The following RUNX1 variants were observed in gnomAD, a reference collection of about 807,000 sequenced individuals.
RUNX1 encodes the protein RUNX family transcription factor 1.
RUNX1 carries 19 observed loss-of-function variants against 42.8 expected under a neutral mutation model. The ratio of observed to expected loss-of-function variants is 0.44; its 90% CI spans 0.31 to 0.65. The LOEUF is 0.65. Ranked by LOEUF, RUNX1 falls within the 30% of genes least tolerant of loss-of-function variation. RUNX1 has a pLI of 0.07. For missense variants in RUNX1, 528 were observed against 672.0 expected (o/e 0.79, Z 2.37); for synonymous variants, 271 against 289.4 (o/e 0.94, Z 0.64).
At chr21:34,809,955 C>G (rs1397382245) in intron 7 of RUNX1, among the ~76,000 whole-genome samples, 6 of 152,208 alleles carry the variant, frequency 3.9e-5, no homozygotes, top group Non-Finnish European at 8.8e-5. Context: ...GAGATCTGTT[C>G]CACACAGGTG....
At chr21:34,860,347 C>T (rs1055667173) in intron 5 of RUNX1, among the ~76,000 whole-genome samples, 3 of 152,232 alleles carry the variant, frequency 2.0e-5, no homozygotes, top group Non-Finnish European at 1.5e-5. Flanking sequence ...GAAGATAAAT[C>T]TGGCTAGCTG....
rs145224136 is a variant in RUNX1 at position 34,846,674 on chromosome 21, C to T, written c.614-12073G>A. Among the ~76,000 whole-genome samples, 368 of 152,296 alleles carry T rather than the reference C, an allele frequency of 2.4e-3. 3 individuals are homozygous for T. The highest frequency in any genetic ancestry group is 9.6e-3 in the Admixed American group (147 of 15,296). On this transcript the variant is annotated intron_variant, in intron 6 of 8. Coordinates refer to ENST00000675419, the MANE Select transcript of RUNX1 (RefSeq NM_001754.5). Reference sequence around the variant, plus strand: ...CCACCAGGTCAGGCCACTCCCTCGCCCAGGGCTCAAGATTCCTTTTAGAGT... The same window carrying T: ...CCACCAGGTCAGGCCACTCCCTCGCTCAGGGCTCAAGATTCCTTTTAGAGT...
At chr21:35,026,269 A>G (rs2059235774) in intron 2 of RUNX1, among the ~76,000 whole-genome samples, 1 of 152,234 alleles carries the variant, frequency 6.6e-6, no homozygotes, top group East Asian at 1.9e-4. Context: ...TCCAGTGAAT[A>G]TCGTGGTTAT....
At position 35,044,774 on chromosome 21, in the gene RUNX1, T is replaced by C. The variant is rs569728667; in HGVS notation, c.58+4068A>G. 7.9e-5 allele frequency among the ~76,000 whole-genome samples: 12 copies of C among 152,354 alleles called. No individual in the cohort carries two copies. The South Asian group carries it at 2.5e-3, about 32-fold the overall frequency. The stretch of plus-strand genomic sequence containing the variant: ...CCAGCATCTCACCAGGCTTGATTTC[T>C]CAGTAAAGGGCTACATATTTTCTGA... On this transcript the variant is annotated intron_variant, in intron 2 of 8. Coordinates refer to ENST00000675419, the MANE Select transcript of RUNX1 (RefSeq NM_001754.5).
In RUNX1 at chr21:34,799,175, T is replaced by C. The variant is rs975061535; in HGVS notation, c.967+126A>G. ...CAGTGCATGGGCATGGGACTCAGAG[T>C]AGAGATAGGTCACCTTTAAACCATG... On this transcript the variant is annotated intron_variant, in intron 8 of 8. Transcript: ENST00000675419. 1.0e-5 allele frequency: 10 copies of C among 990,818 alleles called. No individual in the cohort carries two copies. In the African/African-American group the frequency reaches 1.6e-4, roughly 16 times the overall value. The allele number at this position is 990,818 out of a possible 1,614,324, so 61.4% of individuals were successfully genotyped here.
chr21:34,944,304 G>T lies in RUNX1; in HGVS notation c.59-51341C>A, dbSNP rs147297130. Among the ~76,000 whole-genome samples the T allele has an allele frequency of 1.6e-4, 24 of 152,266 alleles. No homozygotes were observed. The East Asian group carries it at 4.2e-3, about 27-fold the overall frequency. ...ATTACAGGCATGAGCCACTGTGCCT[G>T]TCCCCAACAATTTTCTTATTCTTTG... On this transcript the variant is annotated intron_variant, in intron 2 of 8. Coordinates refer to ENST00000675419, the MANE Select transcript of RUNX1 (RefSeq NM_001754.5).
At chr21:34,868,567 A>C (rs561064315) in intron 5 of RUNX1, among the ~76,000 whole-genome samples, 1 of 152,200 alleles carries the variant, frequency 6.6e-6, no homozygotes, top group East Asian at 1.9e-4. Context: ...CTGGGACATG[A>C]TTCTTCATGC....
intron 2 of RUNX1, among the ~76,000 whole-genome samples, chr21:34,937,169 T>C (rs912904664): frequency 2.0e-5 from 3 of 152,162 alleles, no homozygotes; most frequent in African/African-American, 7.2e-5. Context: ...TAGGTTATCA[T>C]TTATTCTGCT....
intron 2 of RUNX1, among the ~76,000 whole-genome samples, chr21:34,960,475 C>T (rs1199887177): frequency 6.6e-6 from 1 of 152,220 alleles, no homozygotes; most frequent in East Asian, 1.9e-4. Context: ...TGATTTGGAA[C>T]ACCTATTTTG....
At chr21:35,009,359 A>T (rs1037847791) in intron 2 of RUNX1, among the ~76,000 whole-genome samples, 1 of 152,234 alleles carries the variant, frequency 6.6e-6, no homozygotes, top group Non-Finnish European at 1.5e-5. Context: ...TTTATCCACA[A>T]GGAAGGAACC....
At chr21:34,952,485 C>T (rs916609633) in intron 2 of RUNX1, among the ~76,000 whole-genome samples, 1 of 151,922 alleles carries the variant, frequency 6.6e-6, no homozygotes, top group Non-Finnish European at 1.5e-5. Flanking sequence ...AATTTGGCAC[C>T]ACTTGGTACT....
chr21:34,890,651 T>C (rs1176076011), intron 3 of RUNX1, among the ~76,000 whole-genome samples: 1 of 152,200 alleles, frequency 6.6e-6, no homozygotes, highest in Non-Finnish European at 1.5e-5. Context: ...TTAATGGACC[T>C]GGGGTCTCGG....
chr21:34,957,526 C>T (rs2058653160), intron 2 of RUNX1, among the ~76,000 whole-genome samples: 1 of 152,154 alleles, frequency 6.6e-6, no homozygotes, highest in African/African-American at 2.4e-5. Context: ...TCTCCAGTGC[C>T]ACCTGGGTGC....
chr21:34,790,775 G>C lies in RUNX1; in HGVS notation c.*1360C>G, dbSNP rs190173314. ...GCACACAGAGGCAAATTGACTCCTC[G>C]AGGCCTGCTTCTGGTGGGCCCTTAA... is the stretch of plus-strand genomic sequence containing the variant. On this transcript the variant is annotated 3_prime_UTR_variant, in exon 9 of 9. Coordinates refer to ENST00000675419, the MANE Select transcript of RUNX1 (RefSeq NM_001754.5). 2 of 233,162 alleles carry C rather than the reference G, an allele frequency of 8.6e-6. No homozygotes were observed. The highest frequency in any genetic ancestry group is 1.7e-5 in the Non-Finnish European group (2 of 118,064). 14.4% of individuals were successfully genotyped at this position (233,162 alleles called of 1,614,324 possible).
rs137908107 is a variant in RUNX1, at chr21:35,043,394, A to G, written c.58+5448T>C. On this transcript the variant is annotated intron_variant, in intron 2 of 8. Coordinates refer to ENST00000675419, the MANE Select transcript of RUNX1 (RefSeq NM_001754.5). The stretch of plus-strand genomic sequence containing the variant: ...GGAAAAGTGCTTTGAACATTTTAAT[A>G]TCTGTTCAGGCACCAGTGTAGCTTC... Among the ~76,000 whole-genome samples the G allele has an allele frequency of 1.5e-3, 235 of 152,348 alleles. 1 individual carries two copies. The highest frequency in any genetic ancestry group is 5.4e-3 in the African/African-American group (223 of 41,584).
chr21:34,844,587 T>C (rs760502065), intron 6 of RUNX1, among the ~76,000 whole-genome samples: 7 of 109,768 alleles, frequency 6.4e-5, no homozygotes, highest in Non-Finnish European at 1.3e-4. Context: ...AATAAATGAA[T>C]GAGTGAGTGA....
intron 5 of RUNX1, among the ~76,000 whole-genome samples, chr21:34,879,425 C>G (rs1465608473): frequency 1.3e-5 from 2 of 151,972 alleles, no homozygotes; most frequent in Non-Finnish European, 2.9e-5. Flanking sequence ...AAATAATCAC[C>G]AAAATAATCA....
intron 2 of RUNX1, among the ~76,000 whole-genome samples, chr21:34,899,892 T>G (rs1408397257): frequency 6.6e-6 from 1 of 152,164 alleles, no homozygotes; most frequent in African/African-American, 2.4e-5. Flanking sequence ...AGCTTCTAAC[T>G]CCAGTGCTTT....
At chr21:35,041,660 CTT>C (rs36116941) in intron 2 of RUNX1, among the ~76,000 whole-genome samples, 63,269 of 139,320 alleles carry the variant, frequency 0.45, 15,205 homozygotes, top group African/African-American at 0.63. Context: ...TTCTTTCTTT[CTT>C]TTTTTTTTTT....
Sources: allele counts gnomAD v4.1 joint callset (sites outside exome capture counted in the v4.1 genomes callset), GRCh38; gene constraint gnomAD v4.1.1; transcripts MANE v1.5; gene names NCBI Gene and HGNC (gene_info 2026-07-23, HGNC 2026-07-21).